The following UNC5C variants were observed in gnomAD, a reference collection of about 807,000 sequenced individuals.
UNC5C encodes netrin receptor UNC5C.
In UNC5C, 47 loss-of-function variants were observed where a neutral mutation model predicts 99.8. That is an observed-to-expected ratio of 0.47 (90% CI 0.37 to 0.60). The LOEUF is 0.60. Ranked by LOEUF, UNC5C falls within the 20% of genes least tolerant of loss-of-function variation. The pLI, the probability that UNC5C is intolerant of heterozygous loss-of-function variation, is 0.00. For missense variants in UNC5C, 1,062 were observed against 1,165.9 expected, an observed-to-expected ratio of 0.91 and a Z score of 1.30; for synonymous variants, 487 against 452.2, an observed-to-expected ratio of 1.08 and a Z score of -0.98.
intron 7 of UNC5C, 104 bp downstream of exon 7, chr4:95,242,325 A>G: frequency 6.9e-7 from 1 of 1,458,240 alleles, no homozygotes; most frequent in Non-Finnish European, 9.2e-7. Context: ...ATTGCATTTT[A>G]TTGTTGTTGA....
intron 2 of UNC5C, among the ~76,000 whole-genome samples, chr4:95,308,130 A>G (rs1156756538): frequency 1.3e-5 from 2 of 152,184 alleles, no homozygotes; most frequent in Admixed American, 1.3e-4. Context: ...ATGCAAGAGG[A>G]AAAAAATTCT....
intron 2 of UNC5C, among the ~76,000 whole-genome samples, chr4:95,320,886 GTTA>G (rs1247118356): frequency 7.9e-5 from 12 of 152,308 alleles, no homozygotes; most frequent in South Asian, 2.1e-4. Context: ...GGAGTTATGT[GTTA>G]CAAGTAACCT....
At chr4:95,228,358 A>G (rs1424558950) in intron 7 of UNC5C, among the ~76,000 whole-genome samples, 2 of 152,204 alleles carry the variant, frequency 1.3e-5, no homozygotes, top group Non-Finnish European at 2.9e-5. Flanking sequence ...GCCATACTAC[A>G]TACTTTCATA....
At chr4:95,284,854 C>G (rs1322696221) in intron 3 of UNC5C, among the ~76,000 whole-genome samples, 2 of 152,134 alleles carry the variant, frequency 1.3e-5, no homozygotes, top group Non-Finnish European at 2.9e-5. Context: ...GCAGAACATC[C>G]TGCCTCTTCC....
Position 95,520,305 on chromosome 4 carries a change from T to G in UNC5C, c.124+28429A>C, listed in dbSNP as rs550820117. ...AAGATAAGGATTATCTACCGTAAGATTCAAATATAAGTCAAGAGTAAAATT... is the reference window on the plus strand; with the variant it reads ...AAGATAAGGATTATCTACCGTAAGAGTCAAATATAAGTCAAGAGTAAAATT... On this transcript the variant is annotated intron_variant, in intron 1 of 15. Coordinates refer to ENST00000453304, the MANE Select transcript of UNC5C (RefSeq NM_003728.4). 2.0e-5 allele frequency among the ~76,000 whole-genome samples: 3 copies of G among 152,344 alleles called. No individual in the cohort carries two copies. In the South Asian group the frequency reaches 6.2e-4, roughly 32 times the overall value.
intron 1 of UNC5C, among the ~76,000 whole-genome samples, chr4:95,544,917 C>T (rs1008160506): frequency 6.6e-6 from 1 of 152,218 alleles, no homozygotes; most frequent in South Asian, 2.1e-4. Context: ...TCTGCAAAGC[C>T]ATGACCTAAA....
intron 1 of UNC5C, among the ~76,000 whole-genome samples, chr4:95,536,078 ATATAT>A (rs1560497929): frequency 1.9e-5 from 2 of 103,654 alleles, no homozygotes; most frequent in African/African-American, 3.5e-5. Context: ...ATATATATAT[ATATAT>A]TTTTTTTTTT....
chr4:95,244,894 A>G, intron 6 of UNC5C, 83 bp downstream of exon 6: 1 of 1,542,050 alleles, frequency 6.5e-7, no homozygotes, highest in South Asian at 1.2e-5. Flanking sequence ...TCAGATCAAG[A>G]ATAAAGTCTG....
intron 1 of UNC5C, among the ~76,000 whole-genome samples, chr4:95,423,408 C>T (rs1746374774): frequency 3.3e-5 from 5 of 152,126 alleles, no homozygotes; most frequent in African/African-American, 1.2e-4. Context: ...TTTCTCAATG[C>T]AGTTATACTT....
At chr4:95,330,696 T>G (rs1056405379) in intron 2 of UNC5C, among the ~76,000 whole-genome samples, 6 of 152,114 alleles carry the variant, frequency 3.9e-5, no homozygotes, top group African/African-American at 1.4e-4. Context: ...ATTTTCTACT[T>G]TCTTCACTAT....
At chr4:95,229,922 T>G (rs1738846757) in intron 7 of UNC5C, among the ~76,000 whole-genome samples, 2 of 147,728 alleles carry the variant, frequency 1.4e-5, no homozygotes, top group African/African-American at 5.0e-5. Context: ...GCGATTCTCC[T>G]GCCTCAGCCT....
At chr4:95,298,535 CT>C (rs1019466262) in intron 3 of UNC5C, among the ~76,000 whole-genome samples, 94 of 152,254 alleles carry the variant, frequency 6.2e-4, no homozygotes, top group African/African-American at 2.3e-3. Flanking sequence ...CCGCTGTCCC[CT>C]CTGCCTGATT....
At chr4:95,232,519 T>C (rs1015321788) in intron 7 of UNC5C, among the ~76,000 whole-genome samples, 3 of 152,270 alleles carry the variant, frequency 2.0e-5, no homozygotes, top group South Asian at 4.2e-4. Context: ...CTTGCAGCCC[T>C]GGACCTGCAC....
At chr4:95,485,855 A>T (rs1247152950) in intron 1 of UNC5C, among the ~76,000 whole-genome samples, 1 of 151,702 alleles carries the variant, frequency 6.6e-6, no homozygotes, top group Non-Finnish European at 1.5e-5. Flanking sequence ...TTTTATGAGT[A>T]TTAATAGTAA....
At chr4:95,445,334 C>CTTTTTTTTT (rs11458322) in intron 1 of UNC5C, among the ~76,000 whole-genome samples, 1 of 149,786 alleles carries the variant, frequency 6.7e-6, no homozygotes. Flanking sequence ...AGAAATGAAT[C>CTTTTTTTTT]TTTTTTTTTT....
Position 95,335,489 on chromosome 4 carries a change from G to C in UNC5C, c.267C>G (p.Thr89=), listed in dbSNP as rs1346202457. 3.1e-6 allele frequency: 5 copies of C among 1,612,410 alleles called. No homozygotes were observed. Among genetic ancestry groups the C allele is most frequent in the Middle Eastern group, 1.7e-4 (1 of 6,044 alleles). Residue 89 remains threonine (T), a synonymous_variant, in exon 2 of 16, where the codon ACC becomes ACG. Transcript: ENST00000453304. ...CACTATTACACTTGAAATAGATCTG[G>C]GTGGCAGGGCTTGCTTTACAGTACA... The part of the protein sequence containing the change: ...VNLYCKASPA[T]QIYFKCNSEW...
intron 1 of UNC5C, among the ~76,000 whole-genome samples, chr4:95,347,840 T>C (rs537491914): frequency 1.3e-5 from 2 of 152,136 alleles, no homozygotes; most frequent in South Asian, 2.1e-4. Flanking sequence ...CTGCAGGACA[T>C]TGGGCTGGGC....
chr4:95,540,456 G>A (rs115968604), intron 1 of UNC5C, among the ~76,000 whole-genome samples: 1,709 of 152,214 alleles, frequency 0.011, 44 homozygotes, highest in African/African-American at 0.039. Flanking sequence ...GAGGCAGGGC[G>A]GGGAATGTCT....
chr4:95,373,878 C>T (rs1744816289), intron 1 of UNC5C, among the ~76,000 whole-genome samples: 1 of 152,116 alleles, frequency 6.6e-6, no homozygotes, highest in South Asian at 2.1e-4. Flanking sequence ...GTTTGTTAAG[C>T]CATTCTAAAT....
Sources: gnomAD v4.1 joint callset for allele counts (sites outside exome capture counted in the v4.1 genomes callset) on GRCh38, gnomAD v4.1.1 for gene constraint, MANE v1.5 for transcripts, NCBI Gene and HGNC (gene_info 2026-07-23, HGNC 2026-07-21) for gene names.